SH3KBP1: variants seen among roughly 807,000 people sequenced by gnomAD.
SH3KBP1 encodes SH3 domain containing kinase binding protein 1.
A neutral mutation model predicts 50.1 loss-of-function variants in SH3KBP1; 8 were observed. That is an observed-to-expected ratio of 0.16 (90% CI 0.09 to 0.29). The LOEUF (loss-of-function observed/expected upper bound fraction) is 0.29. Among genes scored for constraint, SH3KBP1 ranks in the 10% least tolerant of loss-of-function variants. The pLI, the probability that SH3KBP1 is intolerant of heterozygous loss-of-function variation, is 1.00. For missense variants in SH3KBP1, 377 were observed against 535.2 expected (o/e 0.70, Z 2.92); for synonymous variants, 227 against 218.6 (o/e 1.04, Z -0.34).
chrX:19,718,139 T>TACACACACACACAC (rs35514461), intron 3 of SH3KBP1, among the ~76,000 whole-genome samples: 11 of 91,079 alleles, frequency 1.2e-4, no homozygotes, highest in African/African-American at 3.6e-4. Flanking sequence ...ATTTTATAAA[T>TACACACACACACAC]ACACACACAC....
At chrX:19,683,410 G>A in intron 6 of SH3KBP1, 1 of 359,406 alleles carries the variant, frequency 2.8e-6, no homozygotes, top group Non-Finnish European at 5.4e-6. Context: ...TCACTCTAGT[G>A]CAGAACCACA....
chrX:19,676,046 T>G (rs879160302), intron 6 of SH3KBP1, among the ~76,000 whole-genome samples: 3 of 111,710 alleles, frequency 2.7e-5, no homozygotes, highest in African/African-American at 9.8e-5. Context: ...ATCTGCTCAT[T>G]AAAAACCACA....
At chrX:19,795,505 T>C (rs2066682086) in intron 2 of SH3KBP1, among the ~76,000 whole-genome samples, 1 of 111,482 alleles carries the variant, frequency 9.0e-6, no homozygotes, top group Non-Finnish European at 1.9e-5. Context: ...TTCCTCCTCC[T>C]CCTCCTCCAT....
At chrX:19,549,345 T>G (rs908700628) in intron 14 of SH3KBP1, among the ~76,000 whole-genome samples, 1 of 112,366 alleles carries the variant, frequency 8.9e-6, no homozygotes, top group African/African-American at 3.2e-5. Flanking sequence ...CTTTATACAT[T>G]TTGTAGTTCA....
At chrX:19,880,968 G>A (rs1312025450) in intron 1 of SH3KBP1, among the ~76,000 whole-genome samples, 3 of 111,546 alleles carry the variant, frequency 2.7e-5, no homozygotes, top group African/African-American at 6.5e-5. Flanking sequence ...CCTTGATATC[G>A]ACCCGGTAAG....
intron 2 of SH3KBP1, among the ~76,000 whole-genome samples, chrX:19,767,568 T>C (rs2065658891): frequency 9.0e-6 from 1 of 110,951 alleles, no homozygotes; most frequent in African/African-American, 3.3e-5. Flanking sequence ...AGCTTAAAAA[T>C]AGATCCAAAA....
intron 9 of SH3KBP1, among the ~76,000 whole-genome samples, chrX:19,604,495 C>T (rs1406671876): frequency 4.5e-5 from 5 of 111,880 alleles, no homozygotes; most frequent in African/African-American, 1.6e-4. Flanking sequence ...GAATAAATGC[C>T]GTTTGCTTCT....
intron 2 of SH3KBP1, among the ~76,000 whole-genome samples, chrX:19,767,963 G>A (rs2065672933): frequency 9.0e-6 from 1 of 110,811 alleles, no homozygotes; most frequent in Non-Finnish European, 1.9e-5. Flanking sequence ...TCTGAACCCA[G>A]AGCACACGGG....
At chrX:19,759,043 T>C (rs1385362008) in intron 2 of SH3KBP1, among the ~76,000 whole-genome samples, 5 of 112,499 alleles carry the variant, frequency 4.4e-5, no homozygotes, top group Non-Finnish European at 9.4e-5. Context: ...GAATTGCATC[T>C]TCATTTCCCT....
At chrX:19,590,403 A>G (rs991540593) in intron 11 of SH3KBP1, among the ~76,000 whole-genome samples, 1 of 111,665 alleles carries the variant, frequency 9.0e-6, no homozygotes, top group African/African-American at 3.3e-5. Flanking sequence ...GCATCTGACC[A>G]GGGATTCTAC....
intron 9 of SH3KBP1, among the ~76,000 whole-genome samples, chrX:19,606,562 G>A (rs930493867): frequency 8.9e-6 from 1 of 112,270 alleles, no homozygotes; most frequent in African/African-American, 3.2e-5. Context: ...CTTCTCTGTT[G>A]TGTGAATTTA....
chrX:19,637,973 A>G (rs1253384112), intron 7 of SH3KBP1, among the ~76,000 whole-genome samples: 1 of 109,491 alleles, frequency 9.1e-6, no homozygotes, highest in African/African-American at 3.3e-5. Context: ...GCTACTCTGG[A>G]GGCTAAGGCA....
intron 2 of SH3KBP1, among the ~76,000 whole-genome samples, chrX:19,771,005 T>C (rs1228980904): frequency 8.9e-6 from 1 of 112,102 alleles, no homozygotes; most frequent in Non-Finnish European, 1.9e-5. Context: ...CTGTTGATAA[T>C]TTCTTTTGCT....
intron 2 of SH3KBP1, among the ~76,000 whole-genome samples, chrX:19,766,129 G>A (rs1025872112): frequency 1.8e-5 from 2 of 111,118 alleles, no homozygotes; most frequent in African/African-American, 3.3e-5. Flanking sequence ...CATCCCCACC[G>A]ACAGTATATA....
intron 2 of SH3KBP1, among the ~76,000 whole-genome samples, chrX:19,803,205 G>C (rs751402878): frequency 6.2e-4 from 69 of 111,988 alleles, no homozygotes; most frequent in African/African-American, 2.2e-3. Flanking sequence ...AAGGAAGACA[G>C]GGAATGTCCA....
chrX:19,783,767 A>C (rs1308728142), intron 2 of SH3KBP1, among the ~76,000 whole-genome samples: 1 of 112,249 alleles, frequency 8.9e-6, no homozygotes, highest in Admixed American at 9.5e-5. Flanking sequence ...AAACACACAC[A>C]CAAAAATCCT....
At chrX:19,755,348 G>A (rs1248587904) in intron 2 of SH3KBP1, among the ~76,000 whole-genome samples, 4 of 111,879 alleles carry the variant, frequency 3.6e-5, no homozygotes, top group Non-Finnish European at 7.5e-5. Context: ...CAGCCTGGGC[G>A]ACAGGGCGAG....
Position 19,588,661 on chromosome X carries a change from C to G in SH3KBP1, c.1280G>C (p.Gly427Ala). The change falls in exon 12 of 18, where the codon GGT becomes GCT. Residue 427 changes from glycine to alanine, a missense_variant. Coordinates refer to ENST00000397821, the MANE Select transcript of SH3KBP1 (RefSeq NM_031892.3). Reference protein sequence around the residue: ...LPPRRPERPVGPLTHTRGDSP... With the variant: ...LPPRRPERPVAPLTHTRGDSP... ...GCAGTACCTGGTGTGTGTCAGCGGACCCACCGGTCTCTCCGGCCTTCTCGG... is the reference window on the plus strand; with the variant it reads ...GCAGTACCTGGTGTGTGTCAGCGGAGCCACCGGTCTCTCCGGCCTTCTCGG... 1 of 1,208,625 alleles carries G rather than the reference C, an allele frequency of 8.3e-7. No individual in the cohort carries two copies. Among genetic ancestry groups the G allele is most frequent in the Non-Finnish European group, 1.1e-6 (1 of 894,432 alleles).
intron 2 of SH3KBP1, among the ~76,000 whole-genome samples, chrX:19,764,547 T>C (rs1043055242): frequency 9.0e-6 from 1 of 110,947 alleles, no homozygotes; most frequent in African/African-American, 3.3e-5. Flanking sequence ...CACTATTCCT[T>C]AGCAGCCCCA....
Sources: allele counts gnomAD v4.1 joint callset (sites outside exome capture counted in the v4.1 genomes callset), GRCh38; gene constraint gnomAD v4.1.1; transcripts MANE v1.5; gene names NCBI Gene and HGNC (gene_info 2026-07-23, HGNC 2026-07-21).